Variants in BSG observed in about 807,000 individuals in gnomAD.
The protein encoded by BSG is basigin.
A neutral mutation model predicts 43.1 loss-of-function variants in BSG; 37 were observed. The observed-to-expected ratio is 0.86, with a 90% CI of 0.66 to 1.13. The LOEUF is 1.13. BSG is among the 50% of genes most tolerant of loss of function. BSG has a pLI of 0.00. For missense variants in BSG, 599 were observed against 554.2 expected (o/e 1.08, Z -0.81); for synonymous variants, 309 against 238.7 (o/e 1.29, Z -2.72).
At position 577,976 on chromosome 19, in the gene BSG, C is replaced by A; in HGVS notation, c.270C>A (p.Ala90=). The change falls in exon 2 of 9, where the codon GCC becomes GCA. Residue 90 remains alanine, a synonymous_variant. Coordinates refer to ENST00000333511, the MANE Select transcript of BSG (RefSeq NM_001728.4). The part of the protein sequence containing the change: ...HIHATYHQHA[A]STISIDTLVE... ...ACGCCACCTACCACCAGCACGCGGC[C>A]AGCACCATCTCCATCGACACGCTCG... 1 of 1,612,224 alleles carries A rather than the reference C, an allele frequency of 6.2e-7. No homozygotes were observed. The highest frequency in any genetic ancestry group is 8.5e-7 in the Non-Finnish European group (1 of 1,179,704).
intron 6 of BSG, 40 bp from the exon 7 acceptor site, chr19:582,266 T>A: frequency 1.2e-6 from 2 of 1,604,354 alleles, no homozygotes. Context: ...TGACAGGCTG[T>A]CCTCTCGTCC....
intron 6 of BSG, 36 bp from the exon 7 acceptor site, chr19:582,270 C>G: frequency 6.2e-7 from 1 of 1,605,322 alleles, no homozygotes; most frequent in South Asian, 1.1e-5. Flanking sequence ...AGGCTGTCCT[C>G]TCGTCCTCTT....
rs1982164356 is a variant in BSG at position 580,265 on chromosome 19, A to C, written c.573-114A>C. On this transcript the variant is annotated intron_variant, in intron 3 of 8. Transcript: ENST00000333511. ...GGAGTTCTTTTGAGGTTCAGACTTG[A>C]CTGGGACAGTTTTGCTTTTTCACTG... 11 of 917,922 alleles carry C rather than the reference A, an allele frequency of 1.2e-5. No homozygotes were observed. In the East Asian group the frequency reaches 2.5e-4, roughly 21 times the overall value. 56.9% of individuals were successfully genotyped at this position (917,922 alleles called of 1,614,324 possible).
At chr19:572,551 T>C (rs567156454), upstream of BSG, 12 of 1,384,650 alleles carry the variant, frequency 8.7e-6, no homozygotes, top group African/African-American at 7.5e-5. Flanking sequence ...GCGCGCCCGG[T>C]CCGCGCCTCC....
upstream of BSG, chr19:572,442 C>T (rs1414560105): frequency 7.0e-6 from 8 of 1,145,308 alleles, no homozygotes; most frequent in Non-Finnish European, 7.5e-6. Flanking sequence ...GTGAGCCTGC[C>T]GGAGCCGGCG....
chr19:582,586 C>T lies in BSG; in HGVS notation c.*5+4C>T, dbSNP rs199725376. On this transcript the variant is annotated splice_donor_region_variant and intron_variant, in intron 8 of 8. Transcript: ENST00000333511. The stretch of plus-strand genomic sequence containing the variant: ...AGAGGAACTCTTCCTGAGGCAGGTG[C>T]GGTGGGCGGGAGCTCCTCCTGAGCC... 1.4e-3 allele frequency: 1,307 copies of T among 919,708 alleles called. 11 individuals carry two copies. In the South Asian group the frequency reaches 0.024, roughly 17 times the overall value. The allele number at this position is 919,708 out of a possible 1,614,324, so 57.0% of individuals were successfully genotyped here. A position where few individuals can be genotyped will look rare whatever the true frequency, so the allele number is the denominator to read the frequency against.
chr19:580,321 G>C, intron 3 of BSG, 58 bp from the exon 4 acceptor site: 1 of 1,531,004 alleles, frequency 6.5e-7, no homozygotes, highest in South Asian at 1.1e-5. Context: ...AGAACCCTGG[G>C]TCCTTGGAGG....
At position 578,007 on chromosome 19, in the gene BSG, G is replaced by A. The variant is rs750712407; in HGVS notation, c.301G>A (p.Glu101Lys). ...CATCTCCATCGACACGCTCGTGGAGGAGGACACGGGCACTTACGAGTGCCG... is the reference window on the plus strand; with the variant it reads ...CATCTCCATCGACACGCTCGTGGAGAAGGACACGGGCACTTACGAGTGCCG... ...STISIDTLVE[E>K]DTGTYECRAS... The change falls in exon 2 of 9, where the codon GAG (glutamate) becomes AAG (lysine). Residue 101 changes from glutamate to lysine, a missense_variant. Glu to Lys is a moderately conservative substitution (Grantham distance 56). Transcript: ENST00000333511. The A allele has an allele frequency of 6.5e-5, 104 of 1,612,012 alleles. No homozygotes were observed. Among genetic ancestry groups the A allele is most frequent in the Non-Finnish European group, 8.5e-5 (100 of 1,179,692 alleles).
intron 2 of BSG, 142 bp downstream of exon 2, chr19:578,263 G>A (rs1047230283): frequency 2.7e-5 from 25 of 918,762 alleles, no homozygotes; most frequent in Non-Finnish European, 3.5e-5. Flanking sequence ...CCTGGACGGA[G>A]GGGCCCGGAC....
At chr19:581,842 C>T (rs1215343666) in intron 6 of BSG, among the ~76,000 whole-genome samples, 2 of 152,252 alleles carry the variant, frequency 1.3e-5, no homozygotes, top group Non-Finnish European at 2.9e-5. Flanking sequence ...CGGCCCTTCC[C>T]TCCCGCTCAC....
upstream of BSG, chr19:572,568 T>C: frequency 1.4e-6 from 2 of 1,417,580 alleles, no homozygotes; most frequent in South Asian, 1.5e-5. Context: ...CTCCGCCGCT[T>C]TTTATAGCGG....
intron 6 of BSG, 82 bp downstream of exon 6, chr19:581,673 C>G: frequency 6.9e-7 from 1 of 1,453,092 alleles, no homozygotes; most frequent in Non-Finnish European, 9.1e-7. Flanking sequence ...GCCAGCCCCA[C>G]CGCTGACCCA....
intron 1 of BSG, among the ~76,000 whole-genome samples, chr19:577,354 C>G (rs1432252104): frequency 6.6e-6 from 1 of 152,108 alleles, no homozygotes; most frequent in African/African-American, 2.4e-5. Context: ...GGCCGCCTGC[C>G]CCTTTGGGCT....
chr19:571,882 A>G (rs1981268413), upstream of BSG: 1 of 451,068 alleles, frequency 2.2e-6, no homozygotes, highest in Non-Finnish European at 4.0e-6. Flanking sequence ...CTGCGAGGAA[A>G]GAAGAAGGGG....
At position 572,602 on chromosome 19, in the gene BSG, T is replaced by G; in HGVS notation, c.-33T>G. The stretch of plus-strand genomic sequence containing the variant: ...GGCCGCGGGCGGCGGCGGCAGCGGT[T>G]GGAGGTTGTAGGACCGGCGAGGAAT... On this transcript the variant is annotated 5_prime_UTR_variant, in exon 1 of 9. Transcript: ENST00000333511. 6.8e-7 allele frequency: 1 copy of G among 1,469,788 alleles called. No homozygotes were observed. The highest frequency in any genetic ancestry group is 9.1e-7 in the Non-Finnish European group (1 of 1,104,632). The allele number at this position is 1,469,788 out of a possible 1,614,324, so 91.0% of individuals were successfully genotyped here. A position where few individuals can be genotyped will look rare whatever the true frequency, so the allele number is the denominator to read the frequency against.
At position 583,004 on chromosome 19, in the gene BSG, G is replaced by C; in HGVS notation, c.*260G>C. 4.9e-6 allele frequency: 1 copy of C among 205,918 alleles called. No homozygotes were observed. The highest frequency in any genetic ancestry group is 1.0e-5 in the Non-Finnish European group (1 of 99,522). 12.8% of individuals were successfully genotyped at this position (205,918 alleles called of 1,614,324 possible). ...CCCCGTCTGTGGCTTTCAGCCTCTG[G>C]GTCTGAGTCATGGCCGGGTGGGCGG... On this transcript the variant is annotated 3_prime_UTR_variant, in exon 9 of 9. Coordinates refer to ENST00000333511, the MANE Select transcript of BSG (RefSeq NM_001728.4).
At chr19:579,334 A>G (rs375446333) in intron 2 of BSG, 166 bp from the exon 3 acceptor site, 5 of 940,128 alleles carry the variant, frequency 5.3e-6, no homozygotes, top group East Asian at 5.4e-5. Context: ...AGGCGTGGCC[A>G]GAAGTTCCCC....
chr19:572,555 CGCCTCCGCCGCTTTTTATAGCG>C (rs1371489410), upstream of BSG: 22 of 1,395,472 alleles, frequency 1.6e-5, no homozygotes, highest in Admixed American at 1.7e-4. Flanking sequence ...GCCCGGTCCG[CGCCTCCGCCGCTTTTTATAGCG>C]GCCGCGGGCG....
chr19:578,014 C>G lies in BSG; in HGVS notation c.308C>G (p.Thr103Arg), dbSNP rs777381758. The G allele has an allele frequency of 1.2e-6, 2 of 1,611,736 alleles. No homozygotes were observed. Among genetic ancestry groups the G allele is most frequent in the Non-Finnish European group, 1.7e-6 (2 of 1,179,566 alleles). Residue 103 changes from threonine (T) to arginine (R), a missense_variant, in exon 2 of 9, where the codon ACG (threonine) becomes AGG (arginine). Transcript: ENST00000333511. Reference sequence around the variant, plus strand: ...ATCGACACGCTCGTGGAGGAGGACACGGGCACTTACGAGTGCCGGGCCAGC... The same window carrying G: ...ATCGACACGCTCGTGGAGGAGGACAGGGGCACTTACGAGTGCCGGGCCAGC... ...ISIDTLVEED[T>R]GTYECRASND...
Sources: gnomAD v4.1 joint callset for allele counts (sites outside exome capture counted in the v4.1 genomes callset) on GRCh38, gnomAD v4.1.1 for gene constraint, MANE v1.5 for transcripts, NCBI Gene and HGNC (gene_info 2026-07-23, HGNC 2026-07-21) for gene names.